SLC16A7: variants seen among roughly 807,000 people sequenced by gnomAD.
SLC16A7 encodes solute carrier family 16 member 7.
A neutral mutation model predicts 34.9 loss-of-function variants in SLC16A7; 33 were observed. That is an observed-to-expected ratio of 0.94 (90% CI 0.72 to 1.26). The LOEUF is 1.26. Ranked by LOEUF, SLC16A7 falls within the 50% of genes most tolerant of loss-of-function variation. The pLI, the probability that SLC16A7 is intolerant of heterozygous loss-of-function variation, is 0.00. For synonymous variants in SLC16A7, 201 were observed against 206.6 expected (o/e 0.97, Z 0.23); for missense variants, 573 against 578.1 (o/e 0.99, Z 0.09).
At chr12:59,624,358 C>T (rs933387125) in intron 1 of SLC16A7, among the ~76,000 whole-genome samples, 1 of 151,550 alleles carries the variant, frequency 6.6e-6, no homozygotes, top group African/African-American at 2.4e-5. Flanking sequence ...TTCATGTTCT[C>T]TAATTTATGT....
At chr12:59,681,079 G>T (rs753406468) in intron 2 of SLC16A7, among the ~76,000 whole-genome samples, 3 of 152,186 alleles carry the variant, frequency 2.0e-5, no homozygotes, top group Non-Finnish European at 4.4e-5. Flanking sequence ...AAGCTGAGGT[G>T]CAGGCACCAA....
At chr12:59,611,026 A>G (rs548818674) in intron 1 of SLC16A7, among the ~76,000 whole-genome samples, 202 of 152,294 alleles carry the variant, frequency 1.3e-3, no homozygotes, top group Non-Finnish European at 2.3e-3. Flanking sequence ...TAGCAGTGTT[A>G]TACCTGTGTG....
chr12:59,635,477 A>C (rs955209972), intron 1 of SLC16A7, among the ~76,000 whole-genome samples: 1 of 152,110 alleles, frequency 6.6e-6, no homozygotes, highest in African/African-American at 2.4e-5. Flanking sequence ...TTTTGCCATT[A>C]AAGAATATTA....
At chr12:59,716,534 A>G (rs1213929079) in intron 3 of SLC16A7, among the ~76,000 whole-genome samples, 2 of 152,168 alleles carry the variant, frequency 1.3e-5, no homozygotes, top group Non-Finnish European at 2.9e-5. Context: ...GTTCATGTAT[A>G]TGACTTACAC....
At chr12:59,686,095 CTTTTTTTTTTT>C (rs572779305) in intron 2 of SLC16A7, among the ~76,000 whole-genome samples, 2 of 93,524 alleles carry the variant, frequency 2.1e-5, no homozygotes, top group Admixed American at 1.2e-4. Context: ...AAGAACTTTT[CTTTTTTTTTTT>C]TTTTTTTTTT....
At chr12:59,597,342 G>C (rs966159277) in intron 1 of SLC16A7, among the ~76,000 whole-genome samples, 9 of 151,140 alleles carry the variant, frequency 6.0e-5, no homozygotes, top group African/African-American at 1.9e-4. Context: ...GTATTATTTC[G>C]TGTCCTCCTT....
chr12:59,778,554 G>C (rs1401655181), intron 5 of SLC16A7, among the ~76,000 whole-genome samples: 1 of 152,062 alleles, frequency 6.6e-6, no homozygotes, highest in South Asian at 2.1e-4. Flanking sequence ...TTAGATGCCT[G>C]CATAAGCAAG....
intron 3 of SLC16A7, among the ~76,000 whole-genome samples, chr12:59,766,125 GCT>G (rs1374487687): frequency 1.3e-5 from 2 of 152,010 alleles, no homozygotes. Context: ...TCATGATTTA[GCT>G]CTCTGTTTGT....
At position 59,712,685 on chromosome 12, in the gene SLC16A7, G is replaced by A. The variant is rs573883961; in HGVS notation, c.217+7667G>A. ...TATAGGTAATTAATAATCCATTCAC[G>A]CAAAACTAGTGTCAGTGTTTAGGGT... is the stretch of plus-strand genomic sequence containing the variant. On this transcript the variant is annotated intron_variant, in intron 3 of 5. Transcript: ENST00000547379. 5.5e-4 allele frequency among the ~76,000 whole-genome samples: 83 copies of A among 152,244 alleles called. 6 individuals are homozygous for A. Among genetic ancestry groups the A allele is most frequent in the African/African-American group, 1.7e-3 (70 of 41,520 alleles).
chr12:59,618,548 T>C (rs749176603), intron 1 of SLC16A7, among the ~76,000 whole-genome samples: 5 of 151,942 alleles, frequency 3.3e-5, no homozygotes, highest in Non-Finnish European at 7.4e-5. Context: ...TCCACAGTTT[T>C]TGCACTCACC....
intron 2 of SLC16A7, among the ~76,000 whole-genome samples, chr12:59,694,430 A>G (rs1455698239): frequency 6.6e-6 from 1 of 151,978 alleles, no homozygotes; most frequent in Non-Finnish European, 1.5e-5. Flanking sequence ...TTTGGAGATA[A>G]GTGTACACCC....
intron 1 of SLC16A7, among the ~76,000 whole-genome samples, chr12:59,606,751 G>A (rs1334456675): frequency 6.6e-6 from 1 of 152,094 alleles, no homozygotes; most frequent in Non-Finnish European, 1.5e-5. Flanking sequence ...AAAAATACCT[G>A]GACAAATATG....
intron 1 of SLC16A7, among the ~76,000 whole-genome samples, chr12:59,629,503 A>G (rs1880082919): frequency 6.6e-6 from 1 of 151,960 alleles, no homozygotes; most frequent in Non-Finnish European, 1.5e-5. Context: ...GTTGTACATT[A>G]AACTATTAAA....
chr12:59,729,257 C>T (rs957439198), intron 3 of SLC16A7, among the ~76,000 whole-genome samples: 5 of 152,182 alleles, frequency 3.3e-5, no homozygotes, highest in Non-Finnish European at 7.3e-5. Context: ...CCATAAACAT[C>T]GAAGGAATCT....
intron 2 of SLC16A7, among the ~76,000 whole-genome samples, chr12:59,698,140 A>C (rs1379629141): frequency 1.3e-5 from 2 of 151,780 alleles, no homozygotes; most frequent in African/African-American, 4.8e-5. Context: ...TCAGAACTAT[A>C]AGAAAAGTAC....
In SLC16A7 at chr12:59,784,461, CAA is replaced by C. The variant is rs951430316; in HGVS notation, c.*4789_*4790del. ...CATTTATAATATTATCCGTAGCTAC[CAA>C]AAAAAAGATTATAAGATACAAATGA... is the stretch of plus-strand genomic sequence containing the variant. On this transcript the variant is annotated 3_prime_UTR_variant, in exon 6 of 6. Coordinates refer to ENST00000547379, the MANE Select transcript of SLC16A7 (RefSeq NM_001270623.2). 2.0e-5 allele frequency: 3 copies of C among 150,996 alleles called. No individual in the cohort carries two copies. The East Asian group carries it at 5.8e-4, about 29-fold the overall frequency. The allele number at this position is 150,996 out of a possible 1,614,324, so 9.4% of individuals were successfully genotyped here.
chr12:59,667,116 G>A (rs2137039190), intron 2 of SLC16A7, among the ~76,000 whole-genome samples: 1 of 152,276 alleles, frequency 6.6e-6, no homozygotes, highest in South Asian at 2.1e-4. Context: ...ACATCTTGTG[G>A]AAGTTATTAA....
chr12:59,750,100 A>C (rs1879345403), intron 3 of SLC16A7, among the ~76,000 whole-genome samples: 1 of 152,226 alleles, frequency 6.6e-6, no homozygotes, highest in African/African-American at 2.4e-5. Flanking sequence ...AAGACTTTAA[A>C]CCATAAAAAC....
At chr12:59,715,848 A>G (rs1378388714) in intron 3 of SLC16A7, among the ~76,000 whole-genome samples, 12 of 152,192 alleles carry the variant, frequency 7.9e-5, no homozygotes, top group Admixed American at 7.9e-4. Flanking sequence ...GTTTGTAATT[A>G]CCCAATGTTT....
Sources: gnomAD v4.1 joint callset for allele counts (sites outside exome capture counted in the v4.1 genomes callset) on GRCh38, gnomAD v4.1.1 for gene constraint, MANE v1.5 for transcripts, NCBI Gene and HGNC (gene_info 2026-07-23, HGNC 2026-07-21) for gene names.